RIMBP2: variants seen among roughly 807,000 people sequenced by gnomAD.
The protein encoded by RIMBP2 is RIMS-binding protein 2.
A neutral mutation model predicts 118.6 loss-of-function variants in RIMBP2; 48 were observed. The observed-to-expected ratio is 0.40, with a 90% CI of 0.32 to 0.51. RIMBP2 has a LOEUF of 0.51. Among genes scored for constraint, RIMBP2 ranks in the 20% least tolerant of loss-of-function variants. The pLI is 0.41. For synonymous variants in RIMBP2, 762 were observed against 742.9 expected, an observed-to-expected ratio of 1.03 and a Z score of -0.42; for missense variants, 1,551 against 1,768.3, an observed-to-expected ratio of 0.88 and a Z score of 2.20.
rs138882354 is a variant in RIMBP2, at chr12:130,610,123, A to G, written c.-217+18199T>C. On this transcript the variant is annotated intron_variant, in intron 2 of 22. Transcript: ENST00000690449. ...GGAAAATGGGAAGCCTGCTCCTCCC[A>G]GTCCCTCCCGTTCTGGGGGAAAATG... Among the ~76,000 whole-genome samples the G allele has an allele frequency of 2.0e-3, 299 of 149,980 alleles. 1 individual carries two copies. Among genetic ancestry groups the G allele is most frequent in the African/African-American group, 6.7e-3 (276 of 41,042 alleles).
At position 130,609,770 on chromosome 12, in the gene RIMBP2, G is replaced by A. The variant is rs1435007303; in HGVS notation, c.-217+18552C>T. On this transcript the variant is annotated intron_variant, in intron 2 of 22. Coordinates refer to ENST00000690449, the MANE Select transcript of RIMBP2 (RefSeq NM_001393629.1). ...CAGCCCAGGGCTGCAGGTCTGGGAAGTGGGGGTAGGGCACTGGAGGGGGAC... is the reference window on the plus strand; with the variant it reads ...CAGCCCAGGGCTGCAGGTCTGGGAAATGGGGGTAGGGCACTGGAGGGGGAC... Among the ~76,000 whole-genome samples the A allele has an allele frequency of 4.6e-5, 7 of 152,316 alleles. No homozygotes were observed. The South Asian group carries it at 1.4e-3, about 32-fold the overall frequency.
At chr12:130,659,835 A>G (rs1454467480) in intron 1 of RIMBP2, among the ~76,000 whole-genome samples, 1 of 151,828 alleles carries the variant, frequency 6.6e-6, no homozygotes, top group Non-Finnish European at 1.5e-5. Context: ...TTAGCCAGGC[A>G]TGGTGGCATG....
intron 1 of RIMBP2, among the ~76,000 whole-genome samples, chr12:130,650,396 C>A (rs1009008803): frequency 6.6e-6 from 1 of 152,250 alleles, no homozygotes; most frequent in Non-Finnish European, 1.5e-5. Context: ...GCTCTTCCTA[C>A]TCCAGCCAGC....
intron 2 of RIMBP2, among the ~76,000 whole-genome samples, chr12:130,520,927 G>A (rs1334341725): frequency 1.3e-5 from 2 of 152,190 alleles, no homozygotes; most frequent in African/African-American, 2.4e-5. Flanking sequence ...CGTTGTCCAT[G>A]CTTACCCTGA....
At chr12:130,545,952 C>T (rs2055101180) in intron 2 of RIMBP2, among the ~76,000 whole-genome samples, 1 of 152,082 alleles carries the variant, frequency 6.6e-6, no homozygotes, top group African/African-American at 2.4e-5. Flanking sequence ...ATTCTCAGCG[C>T]AGTAGGGAAA....
intron 2 of RIMBP2, among the ~76,000 whole-genome samples, chr12:130,518,359 C>G (rs771555363): frequency 2.0e-5 from 3 of 152,144 alleles, no homozygotes; most frequent in Non-Finnish European, 4.4e-5. Context: ...ATGGCTAGAC[C>G]ACAATGTGGT....
chr12:130,473,439 G>C (rs1334867994), intron 5 of RIMBP2, among the ~76,000 whole-genome samples: 1 of 152,214 alleles, frequency 6.6e-6, no homozygotes, highest in African/African-American at 2.4e-5. Context: ...AGCATCTGGG[G>C]GGATGGCGCT....
chr12:130,405,554 G>A (rs1014442076), intron 21 of RIMBP2, among the ~76,000 whole-genome samples: 1 of 152,064 alleles, frequency 6.6e-6, no homozygotes, highest in Non-Finnish European at 1.5e-5. Flanking sequence ...CGGAAACTCT[G>A]AGATAACCCC....
chr12:130,457,398 C>T (rs189357203), intron 6 of RIMBP2, among the ~76,000 whole-genome samples: 16 of 152,330 alleles, frequency 1.1e-4, no homozygotes, highest in South Asian at 4.1e-4. Context: ...ACTCCTTCCT[C>T]GGGTCAGGAC....
intron 2 of RIMBP2, among the ~76,000 whole-genome samples, chr12:130,590,736 C>G (rs1326966014): frequency 6.6e-6 from 1 of 152,216 alleles, no homozygotes; most frequent in East Asian, 1.9e-4. Context: ...TGAGGCACCT[C>G]TCATTTGCTG....
At chr12:130,457,498 G>A (rs974938693) in intron 6 of RIMBP2, among the ~76,000 whole-genome samples, 7 of 152,210 alleles carry the variant, frequency 4.6e-5, no homozygotes, top group Admixed American at 4.6e-4. Flanking sequence ...CCCGCTCCCT[G>A]CTCCCCTGGG....
At chr12:130,530,094 G>A (rs1348384247) in intron 2 of RIMBP2, among the ~76,000 whole-genome samples, 1 of 152,132 alleles carries the variant, frequency 6.6e-6, no homozygotes, top group Admixed American at 6.5e-5. Context: ...TCTCACCTGA[G>A]TGCCACTCTG....
chr12:130,593,379 C>A (rs7301578), intron 2 of RIMBP2, among the ~76,000 whole-genome samples: 6 of 152,194 alleles, frequency 3.9e-5, no homozygotes, highest in Admixed American at 6.5e-5. Flanking sequence ...CACAGTGCCC[C>A]GCACAGGGAA....
intron 18 of RIMBP2, 36 bp from the exon 19 acceptor site, chr12:130,412,823 A>T (rs1189000630): frequency 2.5e-6 from 4 of 1,578,480 alleles, no homozygotes; most frequent in Non-Finnish European, 3.5e-6. Flanking sequence ...AAGCACTGTA[A>T]TTGATTGGTT....
At chr12:130,557,864 G>A (rs80350127) in intron 2 of RIMBP2, among the ~76,000 whole-genome samples, 1,722 of 152,164 alleles carry the variant, frequency 0.011, 32 homozygotes, top group African/African-American at 0.039. Flanking sequence ...GGGTCAAAGC[G>A]CCTTGCTCCA....
At chr12:130,410,472 C>A (rs2075627456) in intron 19 of RIMBP2, among the ~76,000 whole-genome samples, 1 of 152,022 alleles carries the variant, frequency 6.6e-6, no homozygotes, top group Non-Finnish European at 1.5e-5. Flanking sequence ...CCTGTGTTTT[C>A]TTCTGGAAAT....
Position 130,424,255 on chromosome 12 carries a change from G to A in RIMBP2, c.3016C>T (p.Pro1006Ser). The A allele has an allele frequency of 8.1e-7, 1 of 1,231,768 alleles. No homozygotes were observed. Among genetic ancestry groups the A allele is most frequent in the Non-Finnish European group, 1.0e-6 (1 of 987,892 alleles). 76.3% of individuals were successfully genotyped at this position (1,231,768 alleles called of 1,614,324 possible). ...CCCCGAAAATCTTGGTGCTCGGTGG[G>A]CTCGCCCCAGCCGTGCTTCCTGGGG... ...PPPRKHGWGE[P>S]TEHQDFRGVW... Residue 1006 changes from proline to serine, a missense_variant, in exon 16 of 23, where the codon CCC (proline) becomes TCC (serine). Pro to Ser is a moderately conservative substitution (Grantham distance 74). Coordinates refer to ENST00000690449, the MANE Select transcript of RIMBP2 (RefSeq NM_001393629.1). This position sits in a 1 kb window ranked among gnomAD's most constrained non-coding sequence, Gnocchi z 9.8.
intron 18 of RIMBP2, among the ~76,000 whole-genome samples, chr12:130,413,078 G>A (rs1344156369): frequency 1.3e-5 from 2 of 151,956 alleles, no homozygotes; most frequent in African/African-American, 4.8e-5. Flanking sequence ...TTAAATTCAC[G>A]CACATTAAAA....
Position 130,573,553 on chromosome 12 carries a change from C to G in RIMBP2, c.-217+54769G>C, listed in dbSNP as rs554231725. ...ATAAATGTATTAGCGATTCTCTGAG[C>G]TGGGTCTAATTAGACATTGGTGATG... On this transcript the variant is annotated intron_variant, in intron 2 of 22. Coordinates refer to ENST00000690449, the MANE Select transcript of RIMBP2 (RefSeq NM_001393629.1). Among the ~76,000 whole-genome samples the G allele has an allele frequency of 3.9e-5, 6 of 152,164 alleles. No individual in the cohort carries two copies. The East Asian group carries it at 1.2e-3, about 29-fold the overall frequency.
Sources: allele counts gnomAD v4.1 joint callset (sites outside exome capture counted in the v4.1 genomes callset), GRCh38; gene constraint gnomAD v4.1.1; non-coding constraint Gnocchi (gnomAD v3.1); transcripts MANE v1.5; gene names NCBI Gene and HGNC (gene_info 2026-07-23, HGNC 2026-07-21).